XKR9: variants seen among roughly 807,000 people sequenced by gnomAD.
XKR9 encodes XK-related protein 9.
In XKR9, 32 loss-of-function variants were observed where a neutral mutation model predicts 32.0. The ratio of observed to expected loss-of-function variants is 1.00; its 90% CI spans 0.76 to 1.34. The LOEUF (loss-of-function observed/expected upper bound fraction) is 1.34. XKR9 is among the 40% of genes most tolerant of loss of function. XKR9 has a pLI of 0.00. For synonymous variants in XKR9, 168 were observed against 143.4 expected, an observed-to-expected ratio of 1.17 and a Z score of -1.22; for missense variants, 546 against 429.7, an observed-to-expected ratio of 1.27 and a Z score of -2.39.
At chr8:71,012,044 A>T in the XKR9 span, among the ~76,000 whole-genome samples, 1 of 151,092 alleles carries the variant, frequency 6.6e-6, no homozygotes, top group African/African-American at 2.4e-5. Flanking sequence ...GGAAAAAAAA[A>T]CCCTCTTCAC....
chr8:70,891,444 T>C, the XKR9 span, among the ~76,000 whole-genome samples: 2 of 152,046 alleles, frequency 1.3e-5, no homozygotes, highest in Non-Finnish European at 2.9e-5. Flanking sequence ...AACTTCCTCT[T>C]AATACTGCCT....
the XKR9 span, among the ~76,000 whole-genome samples, chr8:71,031,274 T>G: frequency 6.6e-6 from 1 of 152,190 alleles, no homozygotes; most frequent in African/African-American, 2.4e-5. Context: ...TTCTAATTCC[T>G]TCTTCCATAT....
At chr8:70,826,812 ATAT>A in the XKR9 span, among the ~76,000 whole-genome samples, 1 of 152,170 alleles carries the variant, frequency 6.6e-6, no homozygotes, top group Non-Finnish European at 1.5e-5. Context: ...TGCTCTCAAC[ATAT>A]TATTACAAAT....
chr8:70,871,059 A>G, the XKR9 span, among the ~76,000 whole-genome samples: 28 of 152,304 alleles, frequency 1.8e-4, no homozygotes, highest in East Asian at 5.4e-3. Context: ...GTTGTAATTT[A>G]TATCTTATCT....
chr8:70,975,383 T>A, the XKR9 span, among the ~76,000 whole-genome samples: 1 of 152,258 alleles, frequency 6.6e-6, no homozygotes, highest in African/African-American at 2.4e-5. Flanking sequence ...AGGTCTAACA[T>A]TTAAGTCTTT....
intron 2 of XKR9, among the ~76,000 whole-genome samples, chr8:70,741,687 G>A (rs114483558): frequency 1.3e-5 from 2 of 152,016 alleles, no homozygotes; most frequent in African/African-American, 4.8e-5. Flanking sequence ...TCCACCTCTT[G>A]GCTATTGTGA....
intron 3 of XKR9, among the ~76,000 whole-genome samples, chr8:70,699,915 C>G (rs572724562): frequency 6.6e-6 from 1 of 152,140 alleles, no homozygotes. Context: ...CTTCCCTTCT[C>G]ACTTCATTTC....
intron 2 of XKR9, among the ~76,000 whole-genome samples, chr8:70,763,782 C>G (rs114558889): frequency 0.011 from 1,605 of 152,210 alleles, 27 homozygotes; most frequent in African/African-American, 0.037. Flanking sequence ...TTCAAATGTA[C>G]TGGTGGAGGG....
the XKR9 span, among the ~76,000 whole-genome samples, chr8:70,937,990 C>T: frequency 1.3e-5 from 2 of 152,030 alleles, no homozygotes; most frequent in Admixed American, 6.6e-5. Flanking sequence ...GGGATGGGTT[C>T]TATCTTCAAG....
the XKR9 span, among the ~76,000 whole-genome samples, chr8:71,010,863 T>C: frequency 1.3e-5 from 2 of 152,212 alleles, no homozygotes; most frequent in African/African-American, 2.4e-5. Flanking sequence ...CTCATGAATC[T>C]GCATGTTACA....
At chr8:70,991,490 A>C in the XKR9 span, among the ~76,000 whole-genome samples, 2 of 152,238 alleles carry the variant, frequency 1.3e-5, no homozygotes, top group African/African-American at 4.8e-5. Flanking sequence ...TGTGTTCAGA[A>C]AAAAACTCAT....
At chr8:70,928,753 C>T in the XKR9 span, among the ~76,000 whole-genome samples, 1 of 152,184 alleles carries the variant, frequency 6.6e-6, no homozygotes, top group East Asian at 1.9e-4. Flanking sequence ...TTAGTCCCAG[C>T]TTGTTCTCAT....
chr8:70,992,914 T>C, the XKR9 span, among the ~76,000 whole-genome samples: 1 of 152,226 alleles, frequency 6.6e-6, no homozygotes, highest in Non-Finnish European at 1.5e-5. Flanking sequence ...TCTTCAGATA[T>C]TAAGTTTCAC....
the XKR9 span, among the ~76,000 whole-genome samples, chr8:70,922,233 C>T: frequency 1.3e-5 from 2 of 152,200 alleles, no homozygotes; most frequent in Non-Finnish European, 2.9e-5. Flanking sequence ...AATAACTTGT[C>T]CCTGTGCCAG....
intron 2 of XKR9, among the ~76,000 whole-genome samples, chr8:70,783,881 G>A (rs1807648481): frequency 6.6e-6 from 1 of 152,038 alleles, no homozygotes; most frequent in Non-Finnish European, 1.5e-5. Flanking sequence ...GTTGATTTTT[G>A]TATATGATTT....
chr8:70,689,535 T>C (rs1258963410), intron 3 of XKR9, among the ~76,000 whole-genome samples: 1 of 150,076 alleles, frequency 6.7e-6, no homozygotes, highest in Non-Finnish European at 1.5e-5. Context: ...GAGCTTCCTC[T>C]TCTAGAAATT....
the XKR9 span, among the ~76,000 whole-genome samples, chr8:71,013,179 G>A: frequency 1.3e-5 from 2 of 152,186 alleles, no homozygotes; most frequent in Non-Finnish European, 2.9e-5. Context: ...GGAGCAGGAG[G>A]ACATTGCCAT....
the XKR9 span, among the ~76,000 whole-genome samples, chr8:70,979,922 G>C: frequency 6.6e-6 from 1 of 152,226 alleles, no homozygotes; most frequent in African/African-American, 2.4e-5. Flanking sequence ...CACCCAGTTC[G>C]AGCTTCCTGG....
downstream of XKR9, among the ~76,000 whole-genome samples, chr8:70,792,203 A>T (rs1322425583): frequency 1.3e-5 from 2 of 151,986 alleles, no homozygotes; most frequent in Admixed American, 1.3e-4. Flanking sequence ...ACACTAATAG[A>T]CTCTTTTTCT....
Sources: gnomAD v4.1 joint callset for allele counts (sites outside exome capture counted in the v4.1 genomes callset) on GRCh38, gnomAD v4.1.1 for gene constraint, MANE v1.5 for transcripts, NCBI Gene and HGNC (gene_info 2026-07-23, HGNC 2026-07-21) for gene names.